COL21A1: variants seen among roughly 807,000 people sequenced by gnomAD.
COL21A1 encodes collagen alpha-1(XXI) chain.
Under a neutral mutation model 137.9 loss-of-function variants are expected in COL21A1, and 149 were observed. The ratio of observed to expected loss-of-function variants is 1.08; its 90% CI spans 0.95 to 1.24. The LOEUF is 1.24. Among genes scored for constraint, COL21A1 ranks in the 50% most tolerant of loss-of-function variants. The probability of loss-of-function intolerance (pLI) is 0.00; values close to 1 mark genes in which losing one functional copy is unlikely to be tolerated. For missense variants in COL21A1, 1,167 were observed against 1,158.4 expected (o/e 1.01, Z -0.11); for synonymous variants, 456 against 391.5 (o/e 1.16, Z -1.95).
intron 1 of COL21A1, among the ~76,000 whole-genome samples, chr6:56,260,655 GGAATGA>G (rs1763239804): frequency 3.2e-5 from 2 of 62,648 alleles, no homozygotes; most frequent in Non-Finnish European, 6.8e-5. Context: ...AAGGAAGGAA[GGAATGA>G]AGGAAGGAAG....
intron 12 of COL21A1, among the ~76,000 whole-genome samples, chr6:56,130,332 G>A (rs1180419285): frequency 6.6e-6 from 1 of 151,100 alleles, no homozygotes; most frequent in Non-Finnish European, 1.5e-5. Context: ...AGTTCTGAGA[G>A]AGAGAAAGAG....
intron 1 of COL21A1, among the ~76,000 whole-genome samples, chr6:56,355,261 C>T (rs181318459): frequency 3.9e-5 from 6 of 152,316 alleles, no homozygotes; most frequent in East Asian, 1.9e-4. Flanking sequence ...TCTGATCATA[C>T]TTCTAAATGT....
At chr6:56,335,678 T>A (rs1227658556) in intron 1 of COL21A1, among the ~76,000 whole-genome samples, 1 of 152,200 alleles carries the variant, frequency 6.6e-6, no homozygotes, top group Non-Finnish European at 1.5e-5. Context: ...TGCCTTTGTG[T>A]CCTTGCCAAA....
chr6:56,088,779 A>C (rs2114192100), intron 17 of COL21A1, among the ~76,000 whole-genome samples: 1 of 152,194 alleles, frequency 6.6e-6, no homozygotes, highest in Non-Finnish European at 1.5e-5. Context: ...TACGCAAAAA[A>C]CCACAAGAGA....
chr6:56,325,210 G>T (rs2152342139), intron 1 of COL21A1, among the ~76,000 whole-genome samples: 1 of 111,290 alleles, frequency 9.0e-6, no homozygotes, highest in South Asian at 3.4e-4. Flanking sequence ...TGTTATAGGA[G>T]CCTTGGTCAT....
chr6:56,176,209 G>A (rs781755049), intron 3 of COL21A1, among the ~76,000 whole-genome samples: 12 of 151,836 alleles, frequency 7.9e-5, no homozygotes, highest in Non-Finnish European at 1.2e-4. Flanking sequence ...CATCAGCCTC[G>A]TAATGATTTC....
At position 56,064,574 on chromosome 6, in the gene COL21A1, A is replaced by ACCCC; in HGVS notation, c.2172+3_2172+4insGGGG. 1.3e-6 allele frequency: 2 copies of ACCCC among 1,590,918 alleles called. No homozygotes were observed. The highest frequency in any genetic ancestry group is 1.3e-5 in the African/African-American group (1 of 74,422). ...TTTTTTATCAGAAGAAAACCAAAAA[A>ACCCC]TACCTGTTGCCCTGGAATTCCCTGT... On this transcript the variant is annotated splice_donor_region_variant and intron_variant, in intron 24 of 29. Transcript: ENST00000244728.
intron 10 of COL21A1, among the ~76,000 whole-genome samples, chr6:56,151,868 C>T (rs1427482052): frequency 1.3e-5 from 2 of 152,152 alleles, no homozygotes; most frequent in Non-Finnish European, 2.9e-5. Flanking sequence ...CCCAGGCTTG[C>T]TTGTTCTTCC....
chr6:56,142,524 TA>T (rs1409446023), intron 10 of COL21A1, among the ~76,000 whole-genome samples: 2 of 152,180 alleles, frequency 1.3e-5, no homozygotes, highest in Non-Finnish European at 2.9e-5. Context: ...GCTGTTTGCT[TA>T]GGGGAGGGGG....
chr6:56,247,854 G>A (rs1782736103), upstream of COL21A1: 1 of 152,730 alleles, frequency 6.5e-6, no homozygotes, highest in South Asian at 2.1e-4. Context: ...CAGTTGAAAG[G>A]GCAAGCACTA....
chr6:56,369,057 A>C (rs1467631631), intron 1 of COL21A1, among the ~76,000 whole-genome samples: 1 of 152,216 alleles, frequency 6.6e-6, no homozygotes, highest in Non-Finnish European at 1.5e-5. Context: ...AATAAATACT[A>C]AGTATGAATC....
At chr6:56,204,011 G>A (rs966399212) in intron 1 of COL21A1, among the ~76,000 whole-genome samples, 2 of 152,238 alleles carry the variant, frequency 1.3e-5, no homozygotes, top group South Asian at 4.1e-4. Context: ...CACCACCAGG[G>A]CCCTGGGTTT....
Position 56,060,018 on chromosome 6 carries a change from C to G in COL21A1, c.2608G>C (p.Gly870Arg), listed in dbSNP as rs1765660434. ...TTTCTTGTTGAAACTAACTGCATAC[C>G]TTTTAATCCTCTGACACCTGGACGT... ...PGRPGVRGLK[G>R]LPGRNGEKGS... Residue 870 changes from glycine to arginine, a missense_variant and splice_region_variant, in exon 28 of 30, where the codon GGC becomes CGC. Physicochemically the swap from Gly to Arg is moderately radical, Grantham distance 125. Transcript: ENST00000244728. The G allele has an allele frequency of 6.3e-7, 1 of 1,592,008 alleles. No homozygotes were observed. Among genetic ancestry groups the G allele is most frequent in the Admixed American group, 1.8e-5 (1 of 54,196 alleles).
chr6:56,065,728 G>A (rs1766182958), intron 23 of COL21A1, among the ~76,000 whole-genome samples: 1 of 151,932 alleles, frequency 6.6e-6, no homozygotes, highest in Non-Finnish European at 1.5e-5. Context: ...AGAATGGGTG[G>A]AGTGGCAAGA....
intron 1 of COL21A1, among the ~76,000 whole-genome samples, chr6:56,274,861 A>C (rs776280323): frequency 3.3e-5 from 5 of 152,136 alleles, no homozygotes; most frequent in Non-Finnish European, 5.9e-5. Context: ...AGAAAAAACT[A>C]TTCTAAAATT....
At chr6:56,219,435 C>T (rs9475635) in intron 1 of COL21A1, among the ~76,000 whole-genome samples, 1,849 of 152,138 alleles carry the variant, frequency 0.012, 32 homozygotes, top group African/African-American at 0.041. Context: ...TGCCCAACTG[C>T]ACACCATATA....
intron 17 of COL21A1, among the ~76,000 whole-genome samples, chr6:56,096,150 A>T (rs1159721394): frequency 1.3e-4 from 20 of 148,522 alleles, no homozygotes; most frequent in Admixed American, 1.1e-3. Flanking sequence ...TCTGGCCTGC[A>T]TTTTTTTTTT....
At chr6:56,334,569 G>A (rs1765297843) in intron 1 of COL21A1, among the ~76,000 whole-genome samples, 1 of 152,272 alleles carries the variant, frequency 6.6e-6, no homozygotes, top group African/African-American at 2.4e-5. Flanking sequence ...AAAGATGGCT[G>A]CATGGCCAGC....
chr6:56,130,870 A>C (rs1391507912), intron 12 of COL21A1, among the ~76,000 whole-genome samples: 3 of 152,214 alleles, frequency 2.0e-5, no homozygotes, highest in Non-Finnish European at 4.4e-5. Flanking sequence ...TATGGCTCAA[A>C]CACATTATAC....
Sources: gnomAD v4.1 joint callset for allele counts (sites outside exome capture counted in the v4.1 genomes callset) on GRCh38, gnomAD v4.1.1 for gene constraint, MANE v1.5 for transcripts, NCBI Gene and HGNC (gene_info 2026-07-23, HGNC 2026-07-21) for gene names.